PATJ: variants seen among roughly 807,000 people sequenced by gnomAD.
The protein encoded by PATJ is inaD-like protein.
A neutral mutation model predicts 224.9 loss-of-function variants in PATJ; 190 were observed. That is an observed-to-expected ratio of 0.84 (90% CI 0.75 to 0.95). The LOEUF (loss-of-function observed/expected upper bound fraction) is 0.95. Ranked by LOEUF, PATJ falls within the 40% of genes least tolerant of loss-of-function variation. The probability of loss-of-function intolerance (pLI) is 0.00; values close to 1 mark genes in which losing one functional copy is unlikely to be tolerated. For missense variants in PATJ, 2,121 were observed against 2,270.3 expected (o/e 0.93, Z 1.34); for synonymous variants, 769 against 820.3 (o/e 0.94, Z 1.07).
chr1:62,079,574 T>C lies in PATJ; in HGVS notation c.4243+7T>C, dbSNP rs74076514. ...GCAGACTTCACAGGCTATGGTATGA[T>C]TCTTTCTCTCAGCAGATCTGGCTCA... is the stretch of plus-strand genomic sequence containing the variant. On this transcript the variant is annotated splice_region_variant and intron_variant, in intron 32 of 43. Coordinates refer to ENST00000642238, the MANE Select transcript of PATJ (RefSeq NM_001350145.3). The C allele has an allele frequency of 5.5e-3, 8,532 of 1,551,316 alleles. 399 individuals carry two copies. In the African/African-American group the frequency reaches 0.1, roughly 19 times the overall value.
chr1:62,131,376 C>A (rs746769422), intron 41 of PATJ, among the ~76,000 whole-genome samples: 31 of 152,162 alleles, frequency 2.0e-4, no homozygotes, highest in Non-Finnish European at 4.0e-4. Context: ...GATCCTACTT[C>A]AAATGGTAAC....
chr1:61,889,156 A>G (rs933754138), intron 22 of PATJ, among the ~76,000 whole-genome samples: 2 of 152,156 alleles, frequency 1.3e-5, no homozygotes, highest in Non-Finnish European at 1.5e-5. Context: ...GCTAAATGGT[A>G]TTTTACAGTT....
Position 61,747,200 on chromosome 1 carries a change from T to A in PATJ, c.-36+4645T>A, listed in dbSNP as rs1486522832. On this transcript the variant is annotated intron_variant, in intron 1 of 43. Transcript: ENST00000642238. Reference sequence around the variant, plus strand: ...CATGACCATTGCTATGTTTTCTTCCTTAGGGTTTTGTGTAGATTTGGATGC... The same window carrying A: ...CATGACCATTGCTATGTTTTCTTCCATAGGGTTTTGTGTAGATTTGGATGC... Among the ~76,000 whole-genome samples, 3 of 139,602 alleles carry A rather than the reference T, an allele frequency of 2.1e-5. No individual in the cohort carries two copies. In the East Asian group the frequency reaches 6.3e-4, roughly 29 times the overall value. 91.6% of individuals were successfully genotyped at this position (139,602 alleles called of 152,430 possible).
At chr1:62,125,623 T>A (rs1181059298) in intron 39 of PATJ, among the ~76,000 whole-genome samples, 3 of 152,166 alleles carry the variant, frequency 2.0e-5, no homozygotes, top group Non-Finnish European at 4.4e-5. Flanking sequence ...AGCCAAAACA[T>A]TATTGCATAA....
intron 31 of PATJ, among the ~76,000 whole-genome samples, chr1:62,064,905 A>G (rs893733255): frequency 6.6e-6 from 1 of 152,210 alleles, no homozygotes; most frequent in Admixed American, 6.5e-5. Flanking sequence ...TAAAAAATAC[A>G]TCTGTAGCAG....
chr1:62,079,592 C>G, intron 32 of PATJ, 25 bp downstream of exon 32: 1 of 1,455,700 alleles, frequency 6.9e-7, no homozygotes, highest in Non-Finnish European at 9.6e-7. Context: ...CTCAGCAGAT[C>G]TGGCTCATTA....
At chr1:62,027,558 G>T (rs1471166882) in intron 29 of PATJ, among the ~76,000 whole-genome samples, 2 of 149,468 alleles carry the variant, frequency 1.3e-5, no homozygotes, top group Non-Finnish European at 3.0e-5. Context: ...TTCCATAGTT[G>T]CTGTACCATT....
intron 33 of PATJ, among the ~76,000 whole-genome samples, chr1:62,105,076 C>T (rs770194237): frequency 2.0e-5 from 3 of 152,114 alleles, no homozygotes; most frequent in Non-Finnish European, 2.9e-5. Context: ...GAAAGACTTA[C>T]GGACTAAAAA....
At chr1:62,087,699 C>A (rs1450326435) in intron 33 of PATJ, among the ~76,000 whole-genome samples, 2 of 151,496 alleles carry the variant, frequency 1.3e-5, no homozygotes, top group African/African-American at 4.9e-5. Flanking sequence ...TGAACCACCT[C>A]ACCTGAACCT....
At position 62,162,847 on chromosome 1, in the gene PATJ, T is replaced by G; in HGVS notation, c.*1793T>G. On this transcript the variant is annotated 3_prime_UTR_variant, in exon 44 of 44. Coordinates refer to ENST00000642238, the MANE Select transcript of PATJ (RefSeq NM_001350145.3). ...CTGTAATCCCAGCTACTCCGGAGGT[T>G]GAAGCAGGAAAATTGCTTGAACCTG... is the stretch of plus-strand genomic sequence containing the variant. 1 of 276,056 alleles carries G rather than the reference T, an allele frequency of 3.6e-6. No homozygotes were observed. Among genetic ancestry groups the G allele is most frequent in the Non-Finnish European group, 7.2e-6 (1 of 138,802 alleles). The allele number at this position is 276,056 out of a possible 1,614,324, so 17.1% of individuals were successfully genotyped here. A position where few individuals can be genotyped will look rare whatever the true frequency, so the allele number is the denominator to read the frequency against.
intron 33 of PATJ, among the ~76,000 whole-genome samples, chr1:62,104,313 A>G (rs1267933714): frequency 6.6e-6 from 1 of 152,214 alleles, no homozygotes; most frequent in Non-Finnish European, 1.5e-5. Context: ...TATTCCATCT[A>G]TTCACAAAGT....
intron 1 of PATJ, among the ~76,000 whole-genome samples, chr1:61,758,330 T>C (rs966683391): frequency 6.6e-6 from 1 of 152,202 alleles, no homozygotes; most frequent in African/African-American, 2.4e-5. Flanking sequence ...GTATTTATGA[T>C]AAACTTACTG....
chr1:61,979,574 A>G (rs1644337325), intron 27 of PATJ, among the ~76,000 whole-genome samples: 1 of 150,834 alleles, frequency 6.6e-6, no homozygotes, highest in Admixed American at 6.6e-5. Flanking sequence ...AGTGGCTTGA[A>G]CTCGGGAGGC....
At chr1:62,028,332 T>C (rs1014475831) in intron 29 of PATJ, among the ~76,000 whole-genome samples, 2 of 152,048 alleles carry the variant, frequency 1.3e-5, no homozygotes. Context: ...GCCTTTTGAG[T>C]AGCTAGGATT....
chr1:61,998,017 T>TTATATATAA (rs1553236237), intron 28 of PATJ, among the ~76,000 whole-genome samples: 1 of 124,864 alleles, frequency 8.0e-6, no homozygotes, highest in African/African-American at 3.2e-5. Context: ...TATATATTAA[T>TTATATATAA]TATATATAAT....
At chr1:61,784,596 T>C (rs1308790041) in intron 7 of PATJ, among the ~76,000 whole-genome samples, 2 of 152,254 alleles carry the variant, frequency 1.3e-5, no homozygotes, top group Non-Finnish European at 2.9e-5. Context: ...ACTAAAAATA[T>C]ACTTTATGAT....
rs55761910 is a variant in PATJ at position 62,036,871 on chromosome 1, C to CAAAAAAAAAAAAAAAAAAAAA, written c.3960-1096_3960-1095insAAAAAAAAAAAAAAAAAAAAA. On this transcript the variant is annotated intron_variant, in intron 29 of 43. Transcript: ENST00000642238. Reference sequence around the variant, plus strand: ...TTGGTGACAAAGTGAGACTCCATCTCAAAAAAAAAAGAAGGAAGAAAGGAA... The same window carrying CAAAAAAAAAAAAAAAAAAAAA: ...TTGGTGACAAAGTGAGACTCCATCTCAAAAAAAAAAAAAAAAAAAAAAAAAAAAAAAGAAGGAAGAAAGGAA... 8.5e-4 allele frequency among the ~76,000 whole-genome samples: 57 copies of CAAAAAAAAAAAAAAAAAAAAA among 67,330 alleles called. 1 individual carries two copies. The highest frequency in any genetic ancestry group is 4.0e-3 in the South Asian group (6 of 1,484). 44.2% of individuals were successfully genotyped at this position (67,330 alleles called of 152,430 possible).
intron 37 of PATJ, chr1:62,117,524 AC>A: frequency 1.6e-6 from 1 of 638,214 alleles, no homozygotes; most frequent in Non-Finnish European, 2.0e-6. Context: ...AAAAAAGGCA[AC>A]ATCTGGTGGC....
chr1:61,877,598 C>T (rs552652750), intron 21 of PATJ, among the ~76,000 whole-genome samples: 4 of 152,080 alleles, frequency 2.6e-5, no homozygotes, highest in African/African-American at 7.2e-5. Flanking sequence ...TCCCCCTTTG[C>T]GCATGCTTTC....
Sources: allele counts gnomAD v4.1 joint callset (sites outside exome capture counted in the v4.1 genomes callset), GRCh38; gene constraint gnomAD v4.1.1; transcripts MANE v1.5; gene names NCBI Gene and HGNC (gene_info 2026-07-23, HGNC 2026-07-21).